The following MAPK10 variants were observed in gnomAD, a reference collection of about 807,000 sequenced individuals.
MAPK10 encodes the protein mitogen-activated protein kinase 10.
In MAPK10, 25 loss-of-function variants were observed where a neutral mutation model predicts 59.3. The observed-to-expected ratio is 0.42, with a 90% CI of 0.31 to 0.59. MAPK10 has a LOEUF of 0.59. Among genes scored for constraint, MAPK10 ranks in the 20% least tolerant of loss-of-function variants. The pLI is 0.15. For synonymous variants in MAPK10, 190 were observed against 200.5 expected (o/e 0.95, Z 0.44); for missense variants, 351 against 568.9 (o/e 0.62, Z 3.90).
chr4:86,589,358 C>G (rs1431017669), intron 1 of MAPK10, among the ~76,000 whole-genome samples: 2 of 152,120 alleles, frequency 1.3e-5, no homozygotes, highest in Non-Finnish European at 2.9e-5. Context: ...TACCACTTAT[C>G]TGGAAGGCAG....
chr4:86,299,383 G>A (rs1033357847), intron 2 of MAPK10, among the ~76,000 whole-genome samples: 12 of 152,104 alleles, frequency 7.9e-5, no homozygotes, highest in Non-Finnish European at 1.5e-4. Context: ...TTCAGAGGTG[G>A]GGTCTTGAGG....
At chr4:86,354,046 A>T (rs1226675434) in intron 2 of MAPK10, among the ~76,000 whole-genome samples, 3 of 152,170 alleles carry the variant, frequency 2.0e-5, no homozygotes, top group African/African-American at 7.2e-5. Context: ...TAAAATGCCC[A>T]TGAATTGAGT....
chr4:86,542,195 AG>A (rs1437358119), intron 1 of MAPK10, among the ~76,000 whole-genome samples: 3 of 152,176 alleles, frequency 2.0e-5, no homozygotes, highest in Admixed American at 6.5e-5. Context: ...TACATTAAAA[AG>A]GTATGTCACG....
In MAPK10 at chr4:86,252,096, C is replaced by A. The variant is rs1214436933; in HGVS notation, c.-6-57689G>T. On this transcript the variant is annotated intron_variant, in intron 2 of 13. Transcript: ENST00000641462. ...AGCCCTTTGTCAGATGAGTAGGTTG[C>A]GAAAATTTTCTCCCATGTTGTAGGT... Among the ~76,000 whole-genome samples the A allele has an allele frequency of 5.0e-5, 6 of 119,016 alleles. 2 individuals are homozygous for A. The highest frequency in any genetic ancestry group is 1.0e-4 in the African/African-American group (2 of 19,810). The allele number at this position is 119,016 out of a possible 152,430, so 78.1% of individuals were successfully genotyped here.
chr4:86,065,606 T>C (rs2046588003), intron 10 of MAPK10: 1 of 152,254 alleles, frequency 6.6e-6, no homozygotes. Flanking sequence ...TACATAGGTA[T>C]ACACATGCCA....
chr4:86,429,431 A>G (rs1747739019), intron 1 of MAPK10, among the ~76,000 whole-genome samples: 1 of 152,202 alleles, frequency 6.6e-6, no homozygotes, highest in Non-Finnish European at 1.5e-5. Flanking sequence ...GCAGAGAAGC[A>G]CAGAGATATC....
At chr4:86,581,898 A>T (rs1280106195) in intron 1 of MAPK10, among the ~76,000 whole-genome samples, 1 of 97,450 alleles carries the variant, frequency 1.0e-5, no homozygotes, top group Non-Finnish European at 2.0e-5. Context: ...AGCTATATAT[A>T]TTATATATAT....
At chr4:86,576,906 TAGAATGA>T (rs1194319956) in intron 1 of MAPK10, among the ~76,000 whole-genome samples, 3 of 152,184 alleles carry the variant, frequency 2.0e-5, no homozygotes, top group Admixed American at 1.3e-4. Context: ...ACTCAGGAAC[TAGAATGA>T]CAGACTTTTC....
chr4:86,431,838 A>T (rs934005010), intron 1 of MAPK10, among the ~76,000 whole-genome samples: 7 of 152,158 alleles, frequency 4.6e-5, no homozygotes, highest in African/African-American at 1.4e-4. Flanking sequence ...ACCCGTGTTT[A>T]AAAAAATGGC....
intron 2 of MAPK10, among the ~76,000 whole-genome samples, chr4:86,233,898 CTTCT>C (rs753979552): frequency 1.3e-5 from 2 of 152,154 alleles, no homozygotes; most frequent in Non-Finnish European, 2.9e-5. Context: ...GTGTGCCTTC[CTTCT>C]GAGTTGTGCA....
exon 1 of MAPK10, chr4:86,453,093 C>T (rs1446472873): frequency 1.3e-5 from 2 of 152,260 alleles, no homozygotes; most frequent in African/African-American, 4.8e-5. Flanking sequence ...GCGGCAAAAT[C>T]CCTCTGGGCT....
chr4:86,035,811 T>C (rs1424888730), intron 11 of MAPK10, among the ~76,000 whole-genome samples: 1 of 152,106 alleles, frequency 6.6e-6, no homozygotes, highest in Non-Finnish European at 1.5e-5. Flanking sequence ...CTAAGTGTTA[T>C]GTGAGAAGAG....
At chr4:86,075,028 C>T (rs530334148) in intron 9 of MAPK10, among the ~76,000 whole-genome samples, 9 of 147,792 alleles carry the variant, frequency 6.1e-5, no homozygotes, top group Non-Finnish European at 1.3e-4. Flanking sequence ...CTTTCAGGTA[C>T]ACCAATCAGA....
intron 2 of MAPK10, among the ~76,000 whole-genome samples, chr4:86,262,424 A>C (rs1418651342): frequency 1.3e-5 from 2 of 152,214 alleles, no homozygotes; most frequent in Non-Finnish European, 2.9e-5. Flanking sequence ...AAGCAGACTA[A>C]GAACCTAAAA....
intron 5 of MAPK10, chr4:86,106,931 CT>C (rs2056652249): frequency 5.7e-6 from 1 of 175,858 alleles, no homozygotes; most frequent in Non-Finnish European, 1.2e-5. Context: ...TGTCTTGTTT[CT>C]TTCTTGAAGC....
chr4:86,315,333 G>A (rs888081045), intron 2 of MAPK10, among the ~76,000 whole-genome samples: 13 of 152,098 alleles, frequency 8.5e-5, no homozygotes, highest in South Asian at 4.1e-4. Context: ...AAGACCTAGC[G>A]TTTGAAAGCA....
chr4:86,116,921 A>G (rs2058373508), intron 4 of MAPK10, among the ~76,000 whole-genome samples: 1 of 152,224 alleles, frequency 6.6e-6, no homozygotes, highest in Admixed American at 6.5e-5. Flanking sequence ...TTCATTATGT[A>G]GGACAGGATA....
At chr4:86,296,031 C>T (rs1005519590) in intron 2 of MAPK10, among the ~76,000 whole-genome samples, 1 of 151,260 alleles carries the variant, frequency 6.6e-6, no homozygotes, top group Non-Finnish European at 1.5e-5. Flanking sequence ...TAAAAATTAG[C>T]CAGGCTTGGT....
intron 11 of MAPK10, among the ~76,000 whole-genome samples, chr4:86,051,234 C>T (rs1391365742): frequency 2.0e-5 from 3 of 152,076 alleles, no homozygotes; most frequent in Admixed American, 1.3e-4. Context: ...TTTATTATAG[C>T]ACATACTCCT....
Sources: gnomAD v4.1 joint callset for allele counts (sites outside exome capture counted in the v4.1 genomes callset) on GRCh38, gnomAD v4.1.1 for gene constraint, MANE v1.5 for transcripts, NCBI Gene and HGNC (gene_info 2026-07-23, HGNC 2026-07-21) for gene names.